Variants in RELN observed in about 807,000 individuals in gnomAD.
RELN encodes reelin.
RELN carries 108 observed loss-of-function variants against 427.6 expected under a neutral mutation model. That is an observed-to-expected ratio of 0.25 (90% CI 0.22 to 0.30). The LOEUF is 0.30. Among genes scored for constraint, RELN ranks in the 10% least tolerant of loss-of-function variants. The pLI is 1.00. For synonymous variants in RELN, 1,524 were observed against 1,513.4 expected, an observed-to-expected ratio of 1.01 and a Z score of -0.16; for missense variants, 3,715 against 4,302.8, an observed-to-expected ratio of 0.86 and a Z score of 3.82.
intron 2 of RELN, among the ~76,000 whole-genome samples, chr7:103,897,255 T>C (rs1177645395): frequency 6.6e-6 from 1 of 152,108 alleles, no homozygotes; most frequent in African/African-American, 2.4e-5. Flanking sequence ...ATTAGCTGAG[T>C]GTCAACACAC....
Position 103,904,974 on chromosome 7 carries a change from C to CCT in RELN, c.337+12099_337+12100dup, listed in dbSNP as rs1256083264. ...GACTGCCAATCCCTTGAAGTTCTTT[C>CCT]CTTTTTTTTTTTTTTTTTTTTTTTT... On this transcript the variant is annotated intron_variant, in intron 2 of 64. Transcript: ENST00000428762. Among the ~76,000 whole-genome samples, 9 of 98,210 alleles carry CCT rather than the reference C, an allele frequency of 9.2e-5. No individual in the cohort carries two copies. The East Asian group carries it at 3.6e-3, about 39-fold the overall frequency. The allele number at this position is 98,210 out of a possible 152,430, so 64.4% of individuals were successfully genotyped here.
chr7:103,767,785 C>G (rs1791461909), intron 4 of RELN, among the ~76,000 whole-genome samples: 1 of 152,202 alleles, frequency 6.6e-6, no homozygotes, highest in Admixed American at 6.5e-5. Context: ...CCCAGATAGT[C>G]ACTGGGCTAA....
At position 103,919,133 on chromosome 7, in the gene RELN, C is replaced by CTTTT. The variant is rs1187538150; in HGVS notation, c.227-1952_227-1949dup. Among the ~76,000 whole-genome samples the CTTTT allele has an allele frequency of 6.9e-5, 7 of 101,330 alleles. 1 individual carries two copies. The highest frequency in any genetic ancestry group is 1.8e-4 in the African/African-American group (5 of 27,100). 66.5% of individuals were successfully genotyped at this position (101,330 alleles called of 152,430 possible). A position where few individuals can be genotyped will look rare whatever the true frequency, so the allele number is the denominator to read the frequency against. Reference sequence around the variant, plus strand: ...ATCCATATGTGAACTGATAATCGGTCTTTTTTTTTTTTTTTTTTTTTTTAG... The same window carrying CTTTT: ...ATCCATATGTGAACTGATAATCGGTCTTTTTTTTTTTTTTTTTTTTTTTTTTTAG... On this transcript the variant is annotated intron_variant, in intron 1 of 64. Transcript: ENST00000428762.
chr7:103,893,985 A>T (rs1437491985), intron 2 of RELN, among the ~76,000 whole-genome samples: 1 of 152,196 alleles, frequency 6.6e-6, no homozygotes, highest in Admixed American at 6.6e-5. Context: ...GCATAGCCGA[A>T]CGCTGAATAG....
chr7:103,769,849 T>C (rs1383886914), intron 4 of RELN, among the ~76,000 whole-genome samples: 2 of 152,194 alleles, frequency 1.3e-5, no homozygotes, highest in Non-Finnish European at 2.9e-5. Flanking sequence ...TTTAGCACTC[T>C]CGAAATCACA....
intron 2 of RELN, among the ~76,000 whole-genome samples, chr7:103,899,149 G>T (rs992719110): frequency 6.6e-6 from 1 of 152,082 alleles, no homozygotes; most frequent in African/African-American, 2.4e-5. Flanking sequence ...TACTTTCAGA[G>T]AATACTATAA....
intron 8 of RELN, among the ~76,000 whole-genome samples, chr7:103,709,155 T>C (rs1789725035): frequency 1.3e-5 from 2 of 152,104 alleles, no homozygotes; most frequent in Admixed American, 6.6e-5. Flanking sequence ...TTTTCTGTAG[T>C]ATCTATTTTC....
chr7:103,836,524 C>T (rs1288283758), intron 2 of RELN, among the ~76,000 whole-genome samples: 1 of 152,120 alleles, frequency 6.6e-6, no homozygotes, highest in African/African-American at 2.4e-5. Context: ...TCTGAATTTG[C>T]CTCTCACTGC....
chr7:103,551,352 T>G (rs1830407190), intron 40 of RELN, 56 bp from the exon 41 acceptor site: 1 of 1,205,594 alleles, frequency 8.3e-7, no homozygotes. Flanking sequence ...AGCCTTGAAA[T>G]GATTCACCAC....
intron 31 of RELN, among the ~76,000 whole-genome samples, chr7:103,570,763 CT>C (rs761077047): frequency 1.2e-4 from 19 of 152,256 alleles, no homozygotes; most frequent in Admixed American, 8.5e-4. Flanking sequence ...GAATGAGGAC[CT>C]CGGATGACCC....
At chr7:103,963,484 T>G (rs988547419) in intron 1 of RELN, among the ~76,000 whole-genome samples, 8 of 152,210 alleles carry the variant, frequency 5.3e-5, no homozygotes, top group African/African-American at 1.7e-4. Context: ...ATAATTCTTG[T>G]GGATATGAGC....
At chr7:103,816,748 G>C (rs141903167) in intron 3 of RELN, among the ~76,000 whole-genome samples, 35 of 152,208 alleles carry the variant, frequency 2.3e-4, no homozygotes, top group African/African-American at 6.7e-4. Flanking sequence ...CTGATTTCTT[G>C]AAGATACACC....
rs7781237 is a variant in RELN at position 103,698,136 on chromosome 7, T to C, written c.903-43A>G. On this transcript the variant is annotated intron_variant, in intron 9 of 64. Transcript: ENST00000428762. ...ATGGCAAGTTTAGCAATGCTGACTT[T>C]TTCTTTCTTAGAGATGAATTTTGTT... is the stretch of plus-strand genomic sequence containing the variant. The C allele has an allele frequency of 1.4e-3, 2,227 of 1,612,314 alleles. 34 individuals are homozygous for C. In the African/African-American group the frequency reaches 0.027, roughly 20 times the overall value.
intron 1 of RELN, among the ~76,000 whole-genome samples, chr7:103,987,970 C>G (rs1259989862): frequency 1.3e-5 from 2 of 152,132 alleles, no homozygotes; most frequent in East Asian, 3.8e-4. Context: ...ACAGAAAAAT[C>G]TTAAGGATTC....
rs749861566 is a variant in RELN, at chr7:103,968,769, G to A, written c.226+20362C>T. ...TAAATGATCATCCAAAAATGCTAAA[G>A]GATGTCAAATTTACCATTGACATTC... is the stretch of plus-strand genomic sequence containing the variant. On this transcript the variant is annotated intron_variant, in intron 1 of 64. Transcript: ENST00000428762. This position sits in a 1 kb window ranked among gnomAD's most constrained non-coding sequence, Gnocchi z 4.3. Among the ~76,000 whole-genome samples the A allele has an allele frequency of 6.6e-6, 1 of 152,080 alleles. No individual in the cohort carries two copies. Among genetic ancestry groups the A allele is most frequent in the Admixed American group, 6.6e-5 (1 of 15,266 alleles).
intron 11 of RELN, among the ~76,000 whole-genome samples, chr7:103,670,511 T>C (rs1833368089): frequency 6.8e-6 from 1 of 147,364 alleles, no homozygotes; most frequent in Non-Finnish European, 1.5e-5. Context: ...AAGTATAATA[T>C]GCAAAATGTG....
rs116587424 is a variant in RELN, at chr7:103,877,182, G to A, written c.337+39893C>T. On this transcript the variant is annotated intron_variant, in intron 2 of 64. Transcript: ENST00000428762. Reference sequence around the variant, plus strand: ...CTCACCTCTCTTCTCCCTTTCTCCTGCAGGGTGATCTCATCTACTCCTATG... The same window carrying A: ...CTCACCTCTCTTCTCCCTTTCTCCTACAGGGTGATCTCATCTACTCCTATG... Among the ~76,000 whole-genome samples, 1,130 of 152,096 alleles carry A rather than the reference G, an allele frequency of 7.4e-3. 14 individuals carry two copies. Among genetic ancestry groups the A allele is most frequent in the African/African-American group, 0.026 (1,069 of 41,470 alleles).
intron 28 of RELN, among the ~76,000 whole-genome samples, chr7:103,579,660 C>T (rs1831084425): frequency 6.6e-6 from 1 of 151,096 alleles, no homozygotes; most frequent in African/African-American, 2.4e-5. Context: ...AAAAAGCATT[C>T]CCTTTTGTTG....
chr7:103,942,797 C>T (rs1018664014), intron 1 of RELN, among the ~76,000 whole-genome samples: 6 of 151,836 alleles, frequency 4.0e-5, no homozygotes, highest in South Asian at 2.1e-4. Flanking sequence ...CTGTAGTCCC[C>T]GCTACTCAGG....
Sources: allele counts gnomAD v4.1 joint callset (sites outside exome capture counted in the v4.1 genomes callset), GRCh38; gene constraint gnomAD v4.1.1; non-coding constraint Gnocchi (gnomAD v3.1); transcripts MANE v1.5; gene names NCBI Gene and HGNC (gene_info 2026-07-23, HGNC 2026-07-21).